The following PCYT2 variants were observed in gnomAD, a reference collection of about 807,000 sequenced individuals.
The protein encoded by PCYT2 is ethanolamine-phosphate cytidylyltransferase.
PCYT2 carries 33 observed loss-of-function variants against 50.0 expected under a neutral mutation model. That is an observed-to-expected ratio of 0.66 (90% CI 0.50 to 0.88). The LOEUF (loss-of-function observed/expected upper bound fraction) is 0.88, where lower values mean the gene tolerates loss of function less well. Among genes scored for constraint, PCYT2 ranks in the 40% least tolerant of loss-of-function variants. PCYT2 has a pLI of 0.00. For synonymous variants in PCYT2, 240 were observed against 203.7 expected, an observed-to-expected ratio of 1.18 and a Z score of -1.52; for missense variants, 430 against 519.7, an observed-to-expected ratio of 0.83 and a Z score of 1.68.
At chr17:81,910,773 T>C in intron 1 of PCYT2, 3 of 568,818 alleles carry the variant, frequency 5.3e-6, no homozygotes, top group Non-Finnish European at 6.7e-6. Flanking sequence ...AACCCGAAAC[T>C]TTTCTTAAAA....
chr17:81,908,897 A>G lies in PCYT2; in HGVS notation c.319T>C (p.Cys107Arg), dbSNP rs1399888786. 6.2e-7 allele frequency: 1 copy of G among 1,613,876 alleles called. No individual in the cohort carries two copies. The highest frequency in any genetic ancestry group is 1.1e-5 in the South Asian group (1 of 91,084). Residue 107 changes from cysteine to arginine, a missense_variant, in exon 3 of 13, where the codon TGT becomes CGT. Transcript: ENST00000538936. ...TTLETLDKYN[C>R]DFCVHGNDIT... is the part of the protein sequence containing the mutation. ...TCACTGCCGTGAACACAGAAGTCAC[A>G]GTTGTATTTGTCCAGGGTCTCTAGT...
chr17:81,902,365 G>A lies in PCYT2; in HGVS notation c.*2468C>T, dbSNP rs985817377. 11 of 1,340,858 alleles carry A rather than the reference G, an allele frequency of 8.2e-6. No homozygotes were observed. The highest frequency in any genetic ancestry group is 1.0e-5 in the Non-Finnish European group (11 of 1,054,124). 83.1% of individuals were successfully genotyped at this position (1,340,858 alleles called of 1,614,324 possible). A position where few individuals can be genotyped will look rare whatever the true frequency, so the allele number is the denominator to read the frequency against. ...TGGCCTCGCGTGGTACAAGCCAGCG[G>A]CGGGGCACAGCTCCTACTCGGTGGG... is the stretch of plus-strand genomic sequence containing the variant. On this transcript the variant is annotated 3_prime_UTR_variant, in exon 13 of 13. Coordinates refer to ENST00000538936, the MANE Select transcript of PCYT2 (RefSeq NM_002861.5).
rs1283302104 is a variant in PCYT2 at position 81,907,877 on chromosome 17, T to C, written c.408-20A>G. On this transcript the variant is annotated intron_variant, in intron 4 of 12. Coordinates refer to ENST00000538936, the MANE Select transcript of PCYT2 (RefSeq NM_002861.5). ...CATTCTCTGGGGGACACAGTGGGAG[T>C]GGGGTCTCATCCTGGGACACTCGCA... 8 of 1,587,438 alleles carry C rather than the reference T, an allele frequency of 5.0e-6. No individual in the cohort carries two copies. Among genetic ancestry groups the C allele is most frequent in the Non-Finnish European group, 6.9e-6 (8 of 1,162,714 alleles).
chr17:81,908,899 T>G lies in PCYT2; in HGVS notation c.317A>C (p.Asn106Thr). 6.2e-7 allele frequency: 1 copy of G among 1,613,778 alleles called. No individual in the cohort carries two copies. Among genetic ancestry groups the G allele is most frequent in the Non-Finnish European group, 8.5e-7 (1 of 1,179,916 alleles). The stretch of plus-strand genomic sequence containing the variant: ...ACTGCCGTGAACACAGAAGTCACAG[T>G]TGTATTTGTCCAGGGTCTCTAGTGT... The part of the protein sequence containing the change: ...VTTLETLDKY[N>T]CDFCVHGNDI... The change falls in exon 3 of 13, where the codon AAC becomes ACC. Residue 106 changes from asparagine to threonine, a missense_variant. Coordinates refer to ENST00000538936, the MANE Select transcript of PCYT2 (RefSeq NM_002861.5).
chr17:81,907,446 G>T (rs2040333846), intron 6 of PCYT2, 108 bp downstream of exon 6: 3 of 1,286,960 alleles, frequency 2.3e-6, no homozygotes, highest in Non-Finnish European at 3.3e-6. Context: ...GACAGAGGGA[G>T]GAGGGTGAGG....
At chr17:81,905,596 C>G in intron 10 of PCYT2, 74 bp downstream of exon 10, 1 of 1,513,108 alleles carries the variant, frequency 6.6e-7, no homozygotes, top group Non-Finnish European at 9.2e-7. Flanking sequence ...GAGCCCACAG[C>G]CAGCCTGCAT....
At chr17:81,906,300 A>G (rs1567889208) in intron 8 of PCYT2, 123 bp from the exon 9 acceptor site, 1 of 1,106,668 alleles carries the variant, frequency 9.0e-7, no homozygotes, top group East Asian at 2.6e-5. Context: ...GATGCCCCAG[A>G]CAGGACAGCC....
Position 81,906,187 on chromosome 17 carries a change from G to A in PCYT2, c.760-10C>T. The stretch of plus-strand genomic sequence containing the variant: ...TGTAGTGATTGACCTCCTGCGGCCA[G>A]AGTGCGGCTAGCTCAGCCCGGAGAC... On this transcript the variant is annotated splice_polypyrimidine_tract_variant and intron_variant, in intron 8 of 12. Transcript: ENST00000538936. The A allele has an allele frequency of 6.2e-7, 1 of 1,607,144 alleles. No individual in the cohort carries two copies. The highest frequency in any genetic ancestry group is 8.5e-7 in the Non-Finnish European group (1 of 1,176,472).
chr17:81,906,411 C>T (rs1420403694), intron 8 of PCYT2, 53 bp downstream of exon 8: 8 of 1,542,694 alleles, frequency 5.2e-6, no homozygotes, highest in Non-Finnish European at 6.3e-6. Flanking sequence ...CGCTTAGGGC[C>T]CCTCGAGGGC....
chr17:81,904,686 AC>A lies in PCYT2; in HGVS notation c.*146del. 1 of 606,236 alleles carries A rather than the reference AC, an allele frequency of 1.6e-6. No homozygotes were observed. The highest frequency in any genetic ancestry group is 1.8e-5 in the African/African-American group (1 of 54,146). The allele number at this position is 606,236 out of a possible 1,614,324, so 37.6% of individuals were successfully genotyped here. A position where few individuals can be genotyped will look rare whatever the true frequency, so the allele number is the denominator to read the frequency against. ...GCGGAGAGCCTGCTGCAAACCAGGC[AC>A]CTTGTAGGCAGGCAAGGAGGCAGAG... On this transcript the variant is annotated 3_prime_UTR_variant, in exon 13 of 13. Transcript: ENST00000538936.
chr17:81,907,507 GC>G, intron 6 of PCYT2, 46 bp downstream of exon 6: 1 of 1,568,114 alleles, frequency 6.4e-7, no homozygotes, highest in South Asian at 1.2e-5. Flanking sequence ...GGCCGGGGGA[GC>G]CCCCTGCAGC....
At chr17:81,911,197 C>G in intron 1 of PCYT2, 70 bp downstream of exon 1, 1 of 1,018,964 alleles carries the variant, frequency 9.8e-7, no homozygotes, top group South Asian at 4.5e-5. Flanking sequence ...CCCCGGGCAA[C>G]GGCTGGCGCG....
At chr17:81,906,572 G>A (rs748546299) in intron 7 of PCYT2, 26 bp from the exon 8 acceptor site, 1 of 1,608,824 alleles carries the variant, frequency 6.2e-7, no homozygotes, top group South Asian at 1.1e-5. Flanking sequence ...GAAGCAGTCG[G>A]GATGGGGATG....
At chr17:81,904,969 A>G (rs369032878) in intron 12 of PCYT2, 25 bp from the exon 13 acceptor site, 197 of 1,590,702 alleles carry the variant, frequency 1.2e-4, no homozygotes, top group Middle Eastern at 6.7e-4. Flanking sequence ...TAAGTCTAGC[A>G]GAGAGCGCCC....
intron 3 of PCYT2, 26 bp downstream of exon 3, chr17:81,908,850 C>G: frequency 1.2e-6 from 2 of 1,602,480 alleles, no homozygotes; most frequent in African/African-American, 1.3e-5. Context: ...GTCCCCAGGC[C>G]CCCAGGTCCC....
In PCYT2 at chr17:81,902,558, G is replaced by A. The variant is rs765068288; in HGVS notation, c.*2275C>T. On this transcript the variant is annotated 3_prime_UTR_variant, in exon 13 of 13. Transcript: ENST00000538936. The stretch of plus-strand genomic sequence containing the variant: ...CCGGCGTGCCGGGGACTGATGGGGG[G>A]CGGCGGCAGGACGTGGGTGGGGGTG... 2 of 1,496,206 alleles carry A rather than the reference G, an allele frequency of 1.3e-6. No homozygotes were observed. Among genetic ancestry groups the A allele is most frequent in the South Asian group, 1.2e-5 (1 of 80,166 alleles). 92.7% of individuals were successfully genotyped at this position (1,496,206 alleles called of 1,614,324 possible).
intron 11 of PCYT2, 74 bp from the exon 12 acceptor site, chr17:81,905,228 C>T: frequency 7.1e-7 from 1 of 1,399,678 alleles, no homozygotes. Flanking sequence ...TGCCCTGCCC[C>T]AGAGGGAGAC....
In PCYT2 at chr17:81,911,342, C is replaced by G; in HGVS notation, c.14G>C (p.Gly5Ala). 4 of 1,099,692 alleles carry G rather than the reference C, an allele frequency of 3.6e-6. No homozygotes were observed. Among genetic ancestry groups the G allele is most frequent in the South Asian group, 2.4e-5 (1 of 40,868 alleles). The allele number at this position is 1,099,692 out of a possible 1,614,324, so 68.1% of individuals were successfully genotyped here. A position where few individuals can be genotyped will look rare whatever the true frequency, so the allele number is the denominator to read the frequency against. Residue 5 changes from glycine to alanine, a missense_variant, in exon 1 of 13, where the codon GGG becomes GCG. Around this residue, in one of 4 missense-constraint regions of PCYT2, gnomAD observed 63 missense variants for 37.5 expected, o/e 1.68. Transcript: ENST00000538936. MIRN[G>A]RGAAGGAEQP... ...CTCTGCGCCGCCTGCAGCCCCGCGC[C>G]CGTTCCGGATCATGGCCCCGCAGCG... is the stretch of plus-strand genomic sequence containing the variant.
rs925052496 is a variant in PCYT2 at position 81,902,169 on chromosome 17, C to T, written c.*2664G>A. 117 of 1,079,544 alleles carry T rather than the reference C, an allele frequency of 1.1e-4. No homozygotes were observed. The African/African-American group carries it at 1.6e-3, about 15-fold the overall frequency. The allele number at this position is 1,079,544 out of a possible 1,614,324, so 66.9% of individuals were successfully genotyped here. A position where few individuals can be genotyped will look rare whatever the true frequency, so the allele number is the denominator to read the frequency against. On this transcript the variant is annotated 3_prime_UTR_variant, in exon 13 of 13. Coordinates refer to ENST00000538936, the MANE Select transcript of PCYT2 (RefSeq NM_002861.5). ...CTGCACCCCAGCCCGCCCGCCGCCC[C>T]TCCCGGCCCTCCGCAGCCTCGGCCC...
Sources: allele counts gnomAD v4.1 joint callset, GRCh38; gene constraint gnomAD v4.1.1; regional missense constraint gnomAD v4.1.1; transcripts MANE v1.5; gene names NCBI Gene and HGNC (gene_info 2026-07-23, HGNC 2026-07-21).